The following NRXN3 variants were observed in gnomAD, a reference collection of about 807,000 sequenced individuals.
NRXN3 encodes the protein neurexin 3, also known as neurexin III.
In NRXN3, 32 loss-of-function variants were observed where a neutral mutation model predicts 137.6. The ratio of observed to expected loss-of-function variants is 0.23; its 90% CI spans 0.18 to 0.31. The LOEUF (loss-of-function observed/expected upper bound fraction) is 0.31. NRXN3 is among the 10% of genes least tolerant of loss of function. The pLI, the probability that NRXN3 is intolerant of heterozygous loss-of-function variation, is 1.00. For synonymous variants in NRXN3, 798 were observed against 784.5 expected, an observed-to-expected ratio of 1.02 and a Z score of -0.29; for missense variants, 1,574 against 2,062.5, an observed-to-expected ratio of 0.76 and a Z score of 4.59.
At chr14:79,324,132 T>C (rs1042686757) in intron 15 of NRXN3, among the ~76,000 whole-genome samples, 2 of 152,224 alleles carry the variant, frequency 1.3e-5, no homozygotes, top group African/African-American at 4.8e-5. Flanking sequence ...TTCTTCACTT[T>C]TGCCCAGAAA....
intron 8 of NRXN3, among the ~76,000 whole-genome samples, chr14:78,721,819 A>G (rs1292555535): frequency 2.0e-5 from 3 of 151,074 alleles, no homozygotes; most frequent in Non-Finnish European, 4.4e-5. Context: ...TGTGCAATTC[A>G]TTTACATAAA....
intron 15 of NRXN3, among the ~76,000 whole-genome samples, chr14:79,229,470 GTC>G (rs1356658881): frequency 6.6e-6 from 1 of 152,162 alleles, no homozygotes; most frequent in Non-Finnish European, 1.5e-5. Flanking sequence ...ACTCCCTGAA[GTC>G]TCTGATAATT....
At chr14:79,315,059 G>T (rs1050277998) in intron 15 of NRXN3, among the ~76,000 whole-genome samples, 1 of 152,160 alleles carries the variant, frequency 6.6e-6, no homozygotes, top group Non-Finnish European at 1.5e-5. Context: ...TTGGCAGCCC[G>T]TGAGTTACGA....
chr14:79,110,438 T>C (rs1248968739), intron 15 of NRXN3, among the ~76,000 whole-genome samples: 1 of 152,250 alleles, frequency 6.6e-6, no homozygotes, highest in East Asian at 1.9e-4. Context: ...AATTATCATC[T>C]ACCAACTAGG....
At chr14:79,222,603 C>T (rs2069982521) in intron 15 of NRXN3, among the ~76,000 whole-genome samples, 1 of 152,164 alleles carries the variant, frequency 6.6e-6, no homozygotes, top group Non-Finnish European at 1.5e-5. Context: ...AGGTGCCAAA[C>T]TGTCTTTCAG....
intron 19 of NRXN3, among the ~76,000 whole-genome samples, chr14:79,802,320 A>C (rs1185535668): frequency 6.6e-6 from 1 of 152,180 alleles, no homozygotes; most frequent in Non-Finnish European, 1.5e-5. Context: ...CCTTACAGTC[A>C]AATCATTAAT....
intron 5 of NRXN3, among the ~76,000 whole-genome samples, chr14:78,650,448 C>T (rs951026455): frequency 3.3e-5 from 5 of 151,856 alleles, no homozygotes; most frequent in Non-Finnish European, 5.9e-5. Flanking sequence ...GTTATTATTC[C>T]TCATCATTCA....
At chr14:78,460,181 T>C (rs717110) in intron 4 of NRXN3, among the ~76,000 whole-genome samples, 148,489 of 152,328 alleles carry the variant, frequency 0.97, 72,465 homozygotes, top group Non-Finnish European at 1. Flanking sequence ...GGCGCTTCCA[T>C]GCCCTCTCCA....
At chr14:79,483,784 G>GT (rs60256221) in intron 16 of NRXN3, among the ~76,000 whole-genome samples, 2,267 of 151,928 alleles carry the variant, frequency 0.015, 51 homozygotes, top group African/African-American at 0.051. Context: ...TGTGTGTGTG[G>GT]GTGGGTGTGT....
intron 4 of NRXN3, among the ~76,000 whole-genome samples, chr14:78,350,387 A>G (rs920598691): frequency 2.0e-5 from 3 of 152,106 alleles, no homozygotes; most frequent in Non-Finnish European, 4.4e-5. Flanking sequence ...GCTGAGCCCA[A>G]TGCTGAAGGA....
intron 15 of NRXN3, among the ~76,000 whole-genome samples, chr14:79,424,018 G>A (rs896416255): frequency 6.6e-6 from 1 of 152,130 alleles, no homozygotes; most frequent in African/African-American, 2.4e-5. Context: ...CACTCCTCTT[G>A]AAGTTGACAT....
chr14:79,227,781 CCT>C (rs1568684390), intron 15 of NRXN3, among the ~76,000 whole-genome samples: 106 of 110,972 alleles, frequency 9.6e-4, no homozygotes, highest in African/African-American at 3.2e-3. Context: ...TTCCTTCCTT[CCT>C]TCCCTCCTCC....
intron 16 of NRXN3, among the ~76,000 whole-genome samples, chr14:79,476,188 G>A (rs1411641330): frequency 5.9e-5 from 9 of 152,112 alleles, no homozygotes; most frequent in Admixed American, 5.9e-4. Flanking sequence ...TAGGAGCTCA[G>A]TGTATTGATG....
chr14:79,530,707 C>T (rs2097162342), intron 16 of NRXN3, among the ~76,000 whole-genome samples: 1 of 150,336 alleles, frequency 6.7e-6, no homozygotes, highest in Admixed American at 6.7e-5. Flanking sequence ...TAGTGGGAAA[C>T]CAAGGAGGGG....
chr14:79,299,438 C>T (rs1042494244), intron 15 of NRXN3, among the ~76,000 whole-genome samples: 6 of 152,122 alleles, frequency 3.9e-5, no homozygotes, highest in Non-Finnish European at 7.4e-5. Context: ...AACTACTCAA[C>T]ACTACCACTG....
chr14:78,839,260 T>C (rs1359412049), intron 10 of NRXN3, among the ~76,000 whole-genome samples: 1 of 152,154 alleles, frequency 6.6e-6, no homozygotes, highest in Non-Finnish European at 1.5e-5. Context: ...TAGGAGTTAC[T>C]AGGCTAAGAA....
At chr14:79,301,746 T>TGC (rs1048163923) in intron 15 of NRXN3, among the ~76,000 whole-genome samples, 2 of 151,530 alleles carry the variant, frequency 1.3e-5, no homozygotes, top group Admixed American at 6.6e-5. Context: ...TGTGTGTGTG[T>TGC]GCGCGCGCGT....
chr14:79,818,370 C>T (rs1444143107), intron 20 of NRXN3, among the ~76,000 whole-genome samples: 1 of 152,118 alleles, frequency 6.6e-6, no homozygotes, highest in East Asian at 1.9e-4. Context: ...GGGTTTCTAG[C>T]TCATTATTCA....
intron 5 of NRXN3, among the ~76,000 whole-genome samples, chr14:78,649,800 A>T (rs1601874386): frequency 6.6e-6 from 1 of 151,416 alleles, no homozygotes; most frequent in Middle Eastern, 3.4e-3. Flanking sequence ...TGATCTGGGG[A>T]GGAAAGTACT....
Sources: allele counts gnomAD v4.1 joint callset (sites outside exome capture counted in the v4.1 genomes callset), GRCh38; gene constraint gnomAD v4.1.1; transcripts MANE v1.5; gene names NCBI Gene and HGNC (gene_info 2026-07-23, HGNC 2026-07-21).